Variants in COL25A1 observed in about 807,000 individuals in gnomAD.
COL25A1 encodes the protein collagen type XXV alpha 1 chain, also known as collagen alpha-1(XXV) chain.
In COL25A1, 103 loss-of-function variants were observed where a neutral mutation model predicts 128.4. The ratio of observed to expected loss-of-function variants is 0.80; its 90% CI spans 0.68 to 0.94. The LOEUF (loss-of-function observed/expected upper bound fraction) is 0.94. Ranked by LOEUF, COL25A1 falls within the 40% of genes least tolerant of loss-of-function variation. The pLI is 0.00. For synonymous variants in COL25A1, 279 were observed against 277.2 expected (o/e 1.01, Z -0.06); for missense variants, 745 against 840.0 (o/e 0.89, Z 1.40).
At chr4:109,191,417 G>A (rs941954132) in intron 3 of COL25A1, among the ~76,000 whole-genome samples, 2 of 151,998 alleles carry the variant, frequency 1.3e-5, no homozygotes, top group Non-Finnish European at 1.5e-5. Flanking sequence ...GGTACTTGTC[G>A]CCCACAAGAG....
chr4:108,933,052 T>C (rs1249941490), intron 11 of COL25A1, among the ~76,000 whole-genome samples: 2 of 152,208 alleles, frequency 1.3e-5, no homozygotes, highest in Non-Finnish European at 2.9e-5. Context: ...TAAATCAATG[T>C]GGAACTGCGT....
intron 6 of COL25A1, among the ~76,000 whole-genome samples, chr4:108,979,150 G>A (rs540879749): frequency 6.6e-6 from 1 of 152,260 alleles, no homozygotes; most frequent in South Asian, 2.1e-4. Context: ...TGTTCAAACG[G>A]CTTTACATTC....
At chr4:109,110,391 C>T (rs1233082505) in intron 3 of COL25A1, among the ~76,000 whole-genome samples, 1 of 152,164 alleles carries the variant, frequency 6.6e-6, no homozygotes, top group Non-Finnish European at 1.5e-5. Flanking sequence ...GACCCCATTT[C>T]CTCTCACTGT....
chr4:109,216,928 A>G (rs573940977), intron 3 of COL25A1, among the ~76,000 whole-genome samples: 4 of 152,292 alleles, frequency 2.6e-5, no homozygotes, highest in African/African-American at 9.6e-5. Flanking sequence ...GTAATATTCA[A>G]CCAAAGCTGG....
intron 15 of COL25A1, 46 bp downstream of exon 15, chr4:108,899,108 G>A (rs368241373): frequency 3.3e-5 from 52 of 1,587,088 alleles, no homozygotes; most frequent in Non-Finnish European, 3.9e-5. Flanking sequence ...TGGTATGCTG[G>A]TGGTGGGGAG....
intron 13 of COL25A1, among the ~76,000 whole-genome samples, chr4:108,908,244 G>A (rs1743763805): frequency 6.6e-6 from 1 of 152,098 alleles, no homozygotes; most frequent in South Asian, 2.1e-4. Flanking sequence ...CAGGCATTTT[G>A]TGAATTCAAG....
intron 3 of COL25A1, among the ~76,000 whole-genome samples, chr4:109,243,674 A>G (rs1780056410): frequency 6.6e-6 from 1 of 152,026 alleles, no homozygotes; most frequent in African/African-American, 2.4e-5. Flanking sequence ...AACCAAAAGA[A>G]ATAGCCTTAA....
chr4:108,874,987 G>A (rs553673431), intron 19 of COL25A1, among the ~76,000 whole-genome samples: 2 of 152,266 alleles, frequency 1.3e-5, no homozygotes, highest in South Asian at 4.1e-4. Context: ...TAGCATGTTA[G>A]GTTTTTACTT....
chr4:108,852,821 T>C, intron 25 of COL25A1, 81 bp downstream of exon 25: 1 of 1,045,312 alleles, frequency 9.6e-7, no homozygotes, highest in Non-Finnish European at 1.4e-6. Flanking sequence ...AAACAATAGC[T>C]ACATTAGTAC....
intron 3 of COL25A1, among the ~76,000 whole-genome samples, chr4:109,112,679 C>T (rs548003614): frequency 1.4e-4 from 21 of 151,970 alleles, no homozygotes; most frequent in African/African-American, 5.1e-4. Flanking sequence ...ATAGTAGTCC[C>T]AAAGAAAGTA....
intron 3 of COL25A1, among the ~76,000 whole-genome samples, chr4:109,101,204 A>G (rs1765858490): frequency 6.6e-6 from 1 of 152,210 alleles, no homozygotes; most frequent in Admixed American, 6.5e-5. Context: ...GGAGTAAAAA[A>G]GAACCACAAG....
intron 3 of COL25A1, among the ~76,000 whole-genome samples, chr4:109,206,114 T>C (rs907967225): frequency 2.0e-5 from 3 of 152,198 alleles, no homozygotes; most frequent in Admixed American, 6.5e-5. Context: ...ATAAGATTAA[T>C]AGACAGCAAC....
Position 108,823,876 on chromosome 4 carries a change from T to C in COL25A1, c.1845+298A>G, listed in dbSNP as rs561143426. ...CATTTAATTTTACTTTTTAAAATGA[T>C]TTTTTTTTCAAAAATCCTTTATTTT... On this transcript the variant is annotated intron_variant, in intron 35 of 37. Coordinates refer to ENST00000399132, the MANE Select transcript of COL25A1 (RefSeq NM_198721.4). 15 of 1,333,494 alleles carry C rather than the reference T, an allele frequency of 1.1e-5. No individual in the cohort carries two copies. The Admixed American group carries it at 2.6e-4, about 23-fold the overall frequency. 82.6% of individuals were successfully genotyped at this position (1,333,494 alleles called of 1,614,324 possible).
intron 3 of COL25A1, among the ~76,000 whole-genome samples, chr4:109,186,297 C>A (rs983081708): frequency 2.4e-4 from 36 of 152,314 alleles, no homozygotes; most frequent in African/African-American, 8.7e-4. Context: ...AACAAAACTT[C>A]TTCTAATCTT....
At chr4:108,841,259 G>C (rs1279273626) in intron 31 of COL25A1, among the ~76,000 whole-genome samples, 1 of 152,100 alleles carries the variant, frequency 6.6e-6, no homozygotes, top group South Asian at 2.1e-4. Context: ...CTCTGGGCGA[G>C]TACAAAATTA....
chr4:109,024,698 C>A (rs111976818), intron 5 of COL25A1, among the ~76,000 whole-genome samples: 29 of 152,200 alleles, frequency 1.9e-4, no homozygotes, highest in African/African-American at 5.5e-4. Flanking sequence ...AACTTTTAAA[C>A]CCTTAATTAA....
chr4:109,191,212 C>T (rs909156924), intron 3 of COL25A1, among the ~76,000 whole-genome samples: 2 of 152,142 alleles, frequency 1.3e-5, no homozygotes, highest in Admixed American at 6.6e-5. Flanking sequence ...CAATTAGTTT[C>T]GCAGTAAATT....
chr4:109,102,280 C>A (rs1041619504), intron 3 of COL25A1, among the ~76,000 whole-genome samples: 2 of 151,764 alleles, frequency 1.3e-5, no homozygotes, highest in Non-Finnish European at 2.9e-5. Flanking sequence ...TTTCCCTTAA[C>A]CTTTGTGTAA....
intron 3 of COL25A1, among the ~76,000 whole-genome samples, chr4:109,156,104 T>A (rs1049353736): frequency 6.6e-6 from 1 of 152,170 alleles, no homozygotes; most frequent in Non-Finnish European, 1.5e-5. Context: ...CTGCAGGAGC[T>A]CTAATTTGAC....
Sources: gnomAD v4.1 joint callset for allele counts (sites outside exome capture counted in the v4.1 genomes callset) on GRCh38, gnomAD v4.1.1 for gene constraint, MANE v1.5 for transcripts, NCBI Gene and HGNC (gene_info 2026-07-23, HGNC 2026-07-21) for gene names.